Variants in MBTPS2 observed in about 807,000 individuals in gnomAD.
The protein encoded by MBTPS2 is membrane bound transcription factor peptidase, site 2, also known as membrane-bound transcription factor site-2 protease.
A neutral mutation model predicts 35.4 loss-of-function variants in MBTPS2; 2 were observed. That is an observed-to-expected ratio of 0.06 (90% CI 0.02 to 0.18). MBTPS2 has a LOEUF of 0.18. Among genes scored for constraint, MBTPS2 ranks in the 10% least tolerant of loss-of-function variants. The probability of loss-of-function intolerance (pLI) is 1.00; values close to 1 mark genes in which losing one functional copy is unlikely to be tolerated. For synonymous variants in MBTPS2, 125 were observed against 140.4 expected, an observed-to-expected ratio of 0.89 and a Z score of 0.77; for missense variants, 244 against 386.5, an observed-to-expected ratio of 0.63 and a Z score of 3.09.
intron 5 of MBTPS2, among the ~76,000 whole-genome samples, chrX:21,862,114 C>CT (rs1251983482): frequency 9.0e-6 from 1 of 111,529 alleles, no homozygotes; most frequent in Non-Finnish European, 1.9e-5. Context: ...TCCATCATAG[C>CT]TACATTACAG....
intron 5 of MBTPS2, among the ~76,000 whole-genome samples, chrX:21,860,748 G>A (rs906260628): frequency 8.9e-6 from 1 of 112,137 alleles, no homozygotes; most frequent in Non-Finnish European, 1.9e-5. Context: ...CAACTGAGCT[G>A]GGGTTGGGGG....
In MBTPS2 at chrX:21,884,209, G is replaced by A; in HGVS notation, c.*1554G>A. On this transcript the variant is annotated 3_prime_UTR_variant, in exon 11 of 11. Transcript: ENST00000379484. The stretch of plus-strand genomic sequence containing the variant: ...TGACTTGGGTCATCAGTTAATACCA[G>A]TACTAAAACCATACGAATTATTGGT... 1 of 699,899 alleles carries A rather than the reference G, an allele frequency of 1.4e-6. No individual in the cohort carries two copies. Among genetic ancestry groups the A allele is most frequent in the Non-Finnish European group, 1.7e-6 (1 of 589,626 alleles). 57.7% of individuals were successfully genotyped at this position (699,899 alleles called of 1,213,427 possible).
At chrX:21,868,365 C>G (rs915976073) in intron 5 of MBTPS2, 102 bp from the exon 6 acceptor site, 19 of 583,080 alleles carry the variant, frequency 3.3e-5, no homozygotes, top group Admixed American at 2.5e-4. Context: ...TTCTTCTGAT[C>G]ACTTTATTAA....
chrX:21,859,393 T>A lies in MBTPS2; in HGVS notation c.670+5890T>A, dbSNP rs762796495. 1.3e-3 allele frequency among the ~76,000 whole-genome samples: 104 copies of A among 79,902 alleles called. 16 individuals are homozygous for A. In the Middle Eastern group the frequency reaches 0.017, roughly 13 times the overall value. The allele number at this position is 79,902 out of a possible 115,157, so 69.4% of individuals were successfully genotyped here. On this transcript the variant is annotated intron_variant, in intron 5 of 10. Coordinates refer to ENST00000379484, the MANE Select transcript of MBTPS2 (RefSeq NM_015884.4). ...GGTTGTATTATTAGATGTTAACACA[T>A]CTTGCATTTTAGCTGTATTAGGTCA...
chrX:21,856,782 G>C (rs939212904), intron 5 of MBTPS2: 1 of 1,211,912 alleles, frequency 8.3e-7, no homozygotes. Context: ...GCTAGGCAAC[G>C]ACTTGGAGGA....
intron 5 of MBTPS2, among the ~76,000 whole-genome samples, chrX:21,867,847 G>C (rs182438091): frequency 2.0e-3 from 225 of 110,839 alleles, no homozygotes; most frequent in Non-Finnish European, 4.0e-3. Flanking sequence ...CACCATGTTG[G>C]CCAAGCTGGT....
At chrX:21,862,951 T>C (rs1433328025) in intron 5 of MBTPS2, among the ~76,000 whole-genome samples, 2 of 56,941 alleles carry the variant, frequency 3.5e-5, no homozygotes, top group African/African-American at 5.9e-5. Context: ...TATATATATA[T>C]ATATATATAT....
rs199738892 is a variant in MBTPS2, at chrX:21,882,398, T to C, written c.1338-35T>C. The C allele has an allele frequency of 3.8e-6, 4 of 1,051,006 alleles. No individual in the cohort carries two copies. In the Admixed American group the frequency reaches 6.6e-5, roughly 17 times the overall value. 86.6% of individuals were successfully genotyped at this position (1,051,006 alleles called of 1,213,427 possible). A position where few individuals can be genotyped will look rare whatever the true frequency, so the allele number is the denominator to read the frequency against. ...TAGAAATATGGTTTCTACTCAGACC[T>C]CTCACAGTTGGTTCCTTAACTGATT... On this transcript the variant is annotated intron_variant, in intron 10 of 10. Coordinates refer to ENST00000379484, the MANE Select transcript of MBTPS2 (RefSeq NM_015884.4).
intron 7 of MBTPS2, among the ~76,000 whole-genome samples, chrX:21,875,350 A>T (rs2092951897): frequency 8.9e-6 from 1 of 112,112 alleles, no homozygotes. Flanking sequence ...CCCCAAATTG[A>T]GTGGCCTGGC....
Position 21,885,295 on chromosome X carries a change from G to T in MBTPS2, c.*2640G>T. The T allele has an allele frequency of 1.3e-6, 1 of 752,202 alleles. No individual in the cohort carries two copies. Among genetic ancestry groups the T allele is most frequent in the Non-Finnish European group, 1.6e-6 (1 of 637,585 alleles). 62.0% of individuals were successfully genotyped at this position (752,202 alleles called of 1,213,427 possible). ...ATGTTCACATACTAATGGTGCACAG[G>T]TGTTTTTTTCTATAAATCTTCTGAC... On this transcript the variant is annotated 3_prime_UTR_variant, in exon 11 of 11. Coordinates refer to ENST00000379484, the MANE Select transcript of MBTPS2 (RefSeq NM_015884.4).
chrX:21,885,141 A>T lies in MBTPS2; in HGVS notation c.*2486A>T, dbSNP rs1347166643. The T allele has an allele frequency of 2.7e-6, 2 of 751,009 alleles. No homozygotes were observed. Among genetic ancestry groups the T allele is most frequent in the Non-Finnish European group, 3.1e-6 (2 of 637,573 alleles). The allele number at this position is 751,009 out of a possible 1,213,427, so 61.9% of individuals were successfully genotyped here. ...TTTCAGCATCTCAGTTTGAAAAGAC[A>T]TGCAGTTAAACTTGACCTTTTGATA... On this transcript the variant is annotated 3_prime_UTR_variant, in exon 11 of 11. Coordinates refer to ENST00000379484, the MANE Select transcript of MBTPS2 (RefSeq NM_015884.4).
chrX:21,862,956 AT>A (rs1409362789), intron 5 of MBTPS2, among the ~76,000 whole-genome samples: 48 of 58,789 alleles, frequency 8.2e-4, no homozygotes, highest in African/African-American at 3.1e-3. Context: ...ATATATATAT[AT>A]ATATATATAT....
chrX:21,877,123 A>G (rs2092954008), intron 7 of MBTPS2, among the ~76,000 whole-genome samples: 1 of 112,040 alleles, frequency 8.9e-6, no homozygotes, highest in Non-Finnish European at 1.9e-5. Context: ...CTGCTCCCAA[A>G]TAAAGCAGTC....
In MBTPS2 at chrX:21,856,436, C is replaced by CT. The variant is rs1293946620; in HGVS notation, c.670+2938dup. The CT allele has an allele frequency of 5.1e-6, 6 of 1,166,756 alleles. No individual in the cohort carries two copies. The East Asian group carries it at 1.8e-4, about 35-fold the overall frequency. On this transcript the variant is annotated intron_variant, in intron 5 of 10. Transcript: ENST00000379484. Reference sequence around the variant, plus strand: ...CTCCCACCTCACTCCCCTCAGCGTTCTTTTTCCCACGGTCTTCCCGTTGCC... The same window carrying CT: ...CTCCCACCTCACTCCCCTCAGCGTTCTTTTTTCCCACGGTCTTCCCGTTGCC...
At chrX:21,862,897 TAAAC>T (rs200836029) in intron 5 of MBTPS2, among the ~76,000 whole-genome samples, 1,093 of 73,700 alleles carry the variant, frequency 0.015, 32 homozygotes, top group African/African-American at 0.051. Context: ...CACATATATA[TAAAC>T]ATATATAAAT....
intron 5 of MBTPS2, among the ~76,000 whole-genome samples, chrX:21,862,429 A>G (rs748558557): frequency 1.8e-5 from 2 of 110,840 alleles, no homozygotes; most frequent in Non-Finnish European, 3.8e-5. Context: ...AGCTGGTAGG[A>G]GCAGGCTTCA....
rs1029318830 is a variant in MBTPS2 at position 21,883,216 on chromosome X, G to C, written c.*561G>C. 1 of 756,028 alleles carries C rather than the reference G, an allele frequency of 1.3e-6. No individual in the cohort carries two copies. The highest frequency in any genetic ancestry group is 2.3e-5 in the African/African-American group (1 of 43,350). The allele number at this position is 756,028 out of a possible 1,213,427, so 62.3% of individuals were successfully genotyped here. On this transcript the variant is annotated 3_prime_UTR_variant, in exon 11 of 11. Transcript: ENST00000379484. ...AAATTCTATAGAAGAATCTGCTGACGTGAAAGGGAAAAATCTTTGTCAAAT... is the reference window on the plus strand; with the variant it reads ...AAATTCTATAGAAGAATCTGCTGACCTGAAAGGGAAAAATCTTTGTCAAAT...
intron 3 of MBTPS2, among the ~76,000 whole-genome samples, chrX:21,847,808 A>G (rs745821946): frequency 1.8e-5 from 2 of 112,131 alleles, no homozygotes; most frequent in African/African-American, 3.2e-5. Flanking sequence ...ATGTCTGACA[A>G]CTTAGGAATG....
chrX:21,859,180 A>T (rs1376465310), intron 5 of MBTPS2, among the ~76,000 whole-genome samples: 2 of 111,761 alleles, frequency 1.8e-5, no homozygotes, highest in Non-Finnish European at 3.8e-5. Flanking sequence ...TTTTTTTTTT[A>T]AATTGTAAAA....
Sources: allele counts gnomAD v4.1 joint callset (sites outside exome capture counted in the v4.1 genomes callset), GRCh38; gene constraint gnomAD v4.1.1; transcripts MANE v1.5; gene names NCBI Gene and HGNC (gene_info 2026-07-23, HGNC 2026-07-21).